FOXP2: variants seen among roughly 807,000 people sequenced by gnomAD.
The protein encoded by FOXP2 is forkhead box protein P2.
Under a neutral mutation model 115.8 loss-of-function variants are expected in FOXP2, and 12 were observed. That is an observed-to-expected ratio of 0.10 (90% CI 0.07 to 0.17). The LOEUF (loss-of-function observed/expected upper bound fraction) is 0.17, where lower values mean the gene tolerates loss of function less well. Among genes scored for constraint, FOXP2 ranks in the 10% least tolerant of loss-of-function variants. FOXP2 has a pLI of 1.00. For synonymous variants in FOXP2, 328 were observed against 297.7 expected (o/e 1.10, Z -1.05); for missense variants, 629 against 843.5 (o/e 0.75, Z 3.15).
intron 2 of FOXP2, among the ~76,000 whole-genome samples, chr7:114,319,508 G>A (rs1195017690): frequency 1.3e-5 from 2 of 152,218 alleles, no homozygotes; most frequent in South Asian, 2.1e-4. Context: ...CGGAAGGCAA[G>A]GAGGAGCAAG....
chr7:114,534,753 C>A lies in FOXP2; in HGVS notation c.258+47C>A. Reference sequence around the variant, plus strand: ...TTGGGGTCTTATTTTAAAAGATGTTCATAATGATAACAGATGTGCAGACCC... The same window carrying A: ...TTGGGGTCTTATTTTAAAAGATGTTAATAATGATAACAGATGTGCAGACCC... On this transcript the variant is annotated intron_variant, in intron 3 of 16. Coordinates refer to ENST00000350908, the MANE Select transcript of FOXP2 (RefSeq NM_014491.4). The A allele has an allele frequency of 3.4e-6, 5 of 1,472,238 alleles. No individual in the cohort carries two copies. The South Asian group carries it at 5.7e-5, about 17-fold the overall frequency. 91.2% of individuals were successfully genotyped at this position (1,472,238 alleles called of 1,614,324 possible).
At chr7:114,547,255 A>G (rs963110115) in intron 3 of FOXP2, among the ~76,000 whole-genome samples, 1 of 152,008 alleles carries the variant, frequency 6.6e-6, no homozygotes, top group Admixed American at 6.5e-5. Context: ...TTATCTAAAT[A>G]TTTTCTTCTT....
At chr7:114,439,461 AG>A (rs1282761717) in intron 2 of FOXP2, among the ~76,000 whole-genome samples, 1 of 152,172 alleles carries the variant, frequency 6.6e-6, no homozygotes. Flanking sequence ...GATTTTTTTG[AG>A]GAAAAATACT....
intron 1 of FOXP2, among the ~76,000 whole-genome samples, chr7:114,152,879 G>A (rs904948977): frequency 1.3e-5 from 2 of 152,142 alleles, no homozygotes; most frequent in East Asian, 1.9e-4. Context: ...CATCTGGTGA[G>A]CCTGCAGCAG....
chr7:114,096,505 A>C (rs183944115), intron 1 of FOXP2, among the ~76,000 whole-genome samples: 68 of 152,286 alleles, frequency 4.5e-4, no homozygotes, highest in African/African-American at 1.5e-3. Flanking sequence ...TGTTCAAAAT[A>C]TTCTACACAC....
intron 2 of FOXP2, among the ~76,000 whole-genome samples, chr7:114,293,652 T>G (rs930004227): frequency 1.3e-5 from 2 of 152,214 alleles, no homozygotes; most frequent in Admixed American, 1.3e-4. Context: ...CCTGTTCTTG[T>G]GATAGTGAGT....
chr7:114,614,903 G>T (rs992399544), intron 3 of FOXP2, among the ~76,000 whole-genome samples: 1 of 152,002 alleles, frequency 6.6e-6, no homozygotes, highest in Non-Finnish European at 1.5e-5. Context: ...AGATAAATAT[G>T]CCCCCAGATC....
chr7:114,473,702 A>T (rs1277067318), intron 2 of FOXP2, among the ~76,000 whole-genome samples: 1 of 152,130 alleles, frequency 6.6e-6, no homozygotes, highest in African/African-American at 2.4e-5. Context: ...CCATGGTAGC[A>T]TCTGGGATTA....
chr7:114,223,498 T>C (rs1794673433), intron 1 of FOXP2, among the ~76,000 whole-genome samples: 2 of 147,524 alleles, frequency 1.4e-5, no homozygotes, highest in African/African-American at 4.9e-5. Flanking sequence ...ATTATATATA[T>C]ATTATATATA....
intron 2 of FOXP2, among the ~76,000 whole-genome samples, chr7:114,372,074 T>C (rs550785239): frequency 1.3e-5 from 2 of 152,298 alleles, no homozygotes; most frequent in African/African-American, 4.8e-5. Context: ...ACATCACCAA[T>C]TTAGATGAAC....
intron 3 of FOXP2, among the ~76,000 whole-genome samples, chr7:114,575,718 A>G (rs1032943731): frequency 6.6e-6 from 1 of 151,892 alleles, no homozygotes; most frequent in East Asian, 1.9e-4. Flanking sequence ...GAAGATACAA[A>G]GTTAGGAAAT....
chr7:114,119,693 A>G (rs991309037), intron 1 of FOXP2, among the ~76,000 whole-genome samples: 4 of 152,184 alleles, frequency 2.6e-5, no homozygotes, highest in Admixed American at 1.3e-4. Flanking sequence ...CCTGGACCAC[A>G]CAGCAAGACC....
chr7:114,465,174 A>G (rs557839759), intron 2 of FOXP2, among the ~76,000 whole-genome samples: 22 of 152,296 alleles, frequency 1.4e-4, no homozygotes, highest in Middle Eastern at 6.8e-3. Context: ...CGTGTTGCCA[A>G]GACTGTTCTC....
intron 3 of FOXP2, among the ~76,000 whole-genome samples, chr7:114,544,212 C>G (rs558612157): frequency 6.6e-6 from 1 of 152,046 alleles, no homozygotes; most frequent in South Asian, 2.1e-4. Context: ...GAAGAGACCT[C>G]TCACAAATAT....
chr7:114,416,506 C>T (rs1207983833), intron 1 of FOXP2: 13 of 134,838 alleles, frequency 9.6e-5, no homozygotes, highest in East Asian at 8.6e-4. Context: ...CTAGCCTCCG[C>T]GACCAAAAAA....
chr7:114,385,121 G>T (rs975598940), intron 2 of FOXP2, among the ~76,000 whole-genome samples: 1 of 151,868 alleles, frequency 6.6e-6, no homozygotes, highest in East Asian at 1.9e-4. Flanking sequence ...GGTGGGGAAC[G>T]GGTCCCACAT....
chr7:114,664,730 G>C (rs1352224246), intron 16 of FOXP2: 8 of 405,356 alleles, frequency 2.0e-5, no homozygotes, highest in Non-Finnish European at 3.7e-5. Context: ...ACATCTTATG[G>C]GTCATTATCA....
At chr7:114,383,507 T>C (rs1792362742) in intron 2 of FOXP2, among the ~76,000 whole-genome samples, 1 of 152,104 alleles carries the variant, frequency 6.6e-6, no homozygotes, top group Non-Finnish European at 1.5e-5. Flanking sequence ...AACTACACTT[T>C]TTACATAATT....
At chr7:114,306,734 C>T (rs1349501615) in intron 2 of FOXP2, among the ~76,000 whole-genome samples, 1 of 152,124 alleles carries the variant, frequency 6.6e-6, no homozygotes, top group Non-Finnish European at 1.5e-5. Context: ...GTAAAGGTGT[C>T]AGGAAGACCA....
Sources: allele counts gnomAD v4.1 joint callset (sites outside exome capture counted in the v4.1 genomes callset), GRCh38; gene constraint gnomAD v4.1.1; transcripts MANE v1.5; gene names NCBI Gene and HGNC (gene_info 2026-07-23, HGNC 2026-07-21).